The following PIBF1 variants were observed in gnomAD, a reference collection of about 807,000 sequenced individuals.
PIBF1 encodes progesterone-induced-blocking factor 1.
In PIBF1, 90 loss-of-function variants were observed where a neutral mutation model predicts 112.5. The observed-to-expected ratio is 0.80, with a 90% CI of 0.67 to 0.95. PIBF1 has a LOEUF of 0.95. Among genes scored for constraint, PIBF1 ranks in the 40% least tolerant of loss-of-function variants. PIBF1 has a pLI of 0.00. For missense variants in PIBF1, 915 were observed against 852.3 expected (o/e 1.07, Z -0.92); for synonymous variants, 301 against 288.6 (o/e 1.04, Z -0.44).
intron 14 of PIBF1, among the ~76,000 whole-genome samples, chr13:72,937,026 A>T (rs1028748282): frequency 6.6e-6 from 1 of 152,134 alleles, no homozygotes; most frequent in Non-Finnish European, 1.5e-5. Context: ...TTTATTGTCA[A>T]ACTTTTACAG....
intron 13 of PIBF1, among the ~76,000 whole-genome samples, chr13:72,927,689 G>A (rs752843419): frequency 2.0e-5 from 3 of 151,374 alleles, no homozygotes; most frequent in Admixed American, 1.3e-4. Context: ...TTATAATGAT[G>A]AAAAACAGTT....
chr13:72,918,213 C>T (rs764750492), intron 13 of PIBF1, among the ~76,000 whole-genome samples: 36 of 152,220 alleles, frequency 2.4e-4, no homozygotes, highest in Non-Finnish European at 4.7e-4. Context: ...ATCTCTCCAG[C>T]CTTATTTGCC....
chr13:72,999,102 A>G (rs2043776138), intron 17 of PIBF1, 107 bp downstream of exon 17: 1 of 684,372 alleles, frequency 1.5e-6, no homozygotes, highest in Admixed American at 2.8e-5. Flanking sequence ...GATTCCACAA[A>G]TATGTTTCAT....
chr13:72,965,438 A>G (rs1367538850), intron 15 of PIBF1, 34 bp downstream of exon 15: 2 of 1,556,484 alleles, frequency 1.3e-6, no homozygotes, highest in Non-Finnish European at 8.7e-7. Context: ...TTTGAATAAT[A>G]AAGACATTGT....
At chr13:72,834,205 C>T (rs2138198842) in intron 8 of PIBF1, among the ~76,000 whole-genome samples, 1 of 152,264 alleles carries the variant, frequency 6.6e-6, no homozygotes, top group Non-Finnish European at 1.5e-5. Flanking sequence ...TGTGTTTTAA[C>T]TTATATGCCC....
chr13:72,981,298 T>TA (rs937394434), intron 16 of PIBF1, among the ~76,000 whole-genome samples: 25 of 149,776 alleles, frequency 1.7e-4, no homozygotes, highest in Non-Finnish European at 2.7e-4. Context: ...AAAATAAAAA[T>TA]AAAAAAAAGC....
At chr13:72,926,732 T>C (rs755364159) in intron 13 of PIBF1, among the ~76,000 whole-genome samples, 7 of 152,238 alleles carry the variant, frequency 4.6e-5, no homozygotes, top group Non-Finnish European at 8.8e-5. Context: ...ATCCTCTACA[T>C]AGGCATTTCC....
At chr13:72,913,246 C>T (rs529038236) in intron 12 of PIBF1, among the ~76,000 whole-genome samples, 2 of 151,738 alleles carry the variant, frequency 1.3e-5, no homozygotes, top group South Asian at 2.1e-4. Flanking sequence ...TTTCAAAACT[C>T]GTTGAATGGT....
Position 72,822,361 on chromosome 13 carries a change from A to T in PIBF1, c.806+379A>T, listed in dbSNP as rs188467069. Among the ~76,000 whole-genome samples the T allele has an allele frequency of 9.5e-4, 144 of 152,304 alleles. 1 individual carries two copies. The highest frequency in any genetic ancestry group is 3.2e-3 in the African/African-American group (132 of 41,562). The stretch of plus-strand genomic sequence containing the variant: ...AAAGACACACACTCTTTCAAAAAAA[A>T]AATGACACTTTCTGAAAATATGTTT... On this transcript the variant is annotated intron_variant, in intron 6 of 17. Coordinates refer to ENST00000326291, the MANE Select transcript of PIBF1 (RefSeq NM_006346.4).
chr13:72,872,962 G>A (rs922637621), intron 10 of PIBF1, among the ~76,000 whole-genome samples: 1 of 152,128 alleles, frequency 6.6e-6, no homozygotes, highest in Non-Finnish European at 1.5e-5. Flanking sequence ...AATAAGTGGA[G>A]TAAGATATCA....
chr13:72,888,506 T>G (rs2138539574), intron 10 of PIBF1, among the ~76,000 whole-genome samples: 1 of 152,292 alleles, frequency 6.6e-6, no homozygotes, highest in African/African-American at 2.4e-5. Context: ...GGTATCTTTC[T>G]TAAATGTTTG....
At chr13:72,820,879 C>T (rs2036527889) in intron 5 of PIBF1, among the ~76,000 whole-genome samples, 1 of 152,162 alleles carries the variant, frequency 6.6e-6, no homozygotes, top group African/African-American at 2.4e-5. Context: ...CCCAGCTTCC[C>T]ATATTTAATC....
intron 10 of PIBF1, among the ~76,000 whole-genome samples, chr13:72,878,590 G>C (rs1036903373): frequency 2.6e-5 from 4 of 152,096 alleles, no homozygotes; most frequent in Non-Finnish European, 5.9e-5. Context: ...TTTCGTGTGA[G>C]CTTTAAAAGA....
intron 11 of PIBF1, among the ~76,000 whole-genome samples, chr13:72,897,515 G>A (rs1363985901): frequency 6.6e-6 from 1 of 152,144 alleles, no homozygotes; most frequent in Non-Finnish European, 1.5e-5. Context: ...CTTAAAAAAG[G>A]TGCAGAACTA....
chr13:72,995,618 C>G (rs2043627325), intron 16 of PIBF1, among the ~76,000 whole-genome samples: 1 of 151,978 alleles, frequency 6.6e-6, no homozygotes, highest in Admixed American at 6.6e-5. Context: ...TTACCATAAG[C>G]CAGGATAAAC....
At chr13:72,911,593 A>G (rs1294013407) in intron 12 of PIBF1, among the ~76,000 whole-genome samples, 1 of 152,210 alleles carries the variant, frequency 6.6e-6, no homozygotes, top group Non-Finnish European at 1.5e-5. Flanking sequence ...GAATGTAATT[A>G]TCATAAAAGA....
At chr13:72,909,976 C>T (rs1293129541) in intron 12 of PIBF1, among the ~76,000 whole-genome samples, 1 of 151,996 alleles carries the variant, frequency 6.6e-6, no homozygotes, top group Non-Finnish European at 1.5e-5. Flanking sequence ...TGCTACAGTA[C>T]ATTATTTGTG....
intron 11 of PIBF1, among the ~76,000 whole-genome samples, chr13:72,897,000 G>C (rs1442866816): frequency 1.3e-5 from 2 of 152,140 alleles, no homozygotes; most frequent in African/African-American, 4.8e-5. Context: ...ATTGTCGTCA[G>C]GTTATCCAAA....
intron 3 of PIBF1, among the ~76,000 whole-genome samples, chr13:72,794,931 T>C (rs187178913): frequency 1.3e-5 from 2 of 152,332 alleles, no homozygotes; most frequent in Non-Finnish European, 2.9e-5. Context: ...ATTACTGTTT[T>C]CATTACCTCA....
Sources: allele counts gnomAD v4.1 joint callset (sites outside exome capture counted in the v4.1 genomes callset), GRCh38; gene constraint gnomAD v4.1.1; transcripts MANE v1.5; gene names NCBI Gene and HGNC (gene_info 2026-07-23, HGNC 2026-07-21).